The following PNPLA7 variants were observed in gnomAD, a reference collection of about 807,000 sequenced individuals.
PNPLA7 encodes patatin-like phospholipase domain-containing protein 7.
PNPLA7 carries 153 observed loss-of-function variants against 161.7 expected under a neutral mutation model. The ratio of observed to expected loss-of-function variants is 0.95; its 90% CI spans 0.83 to 1.08. PNPLA7 has a LOEUF of 1.08. PNPLA7 is among the 50% of genes least tolerant of loss of function. PNPLA7 has a pLI of 0.00. For synonymous variants in PNPLA7, 809 were observed against 782.1 expected (o/e 1.03, Z -0.57); for missense variants, 1,739 against 1,856.6 (o/e 0.94, Z 1.16).
intron 18 of PNPLA7, among the ~76,000 whole-genome samples, 166 bp from the exon 19 acceptor site, chr9:137,495,312 C>A (rs1387506396): frequency 1.3e-5 from 2 of 152,276 alleles, no homozygotes; most frequent in African/African-American, 4.8e-5. Flanking sequence ...GTCAGAACCA[C>A]TGGAACATGC....
chr9:137,491,937 AGACGGAGATGCAG>A, intron 20 of PNPLA7: 1 of 985,456 alleles, frequency 1.0e-6, no homozygotes, highest in Non-Finnish European at 1.2e-6. Context: ...GGCTGTGCTG[AGACGGAGATGCAG>A]GACACGCGGG....
chr9:137,492,498 G>C (rs1461317519), intron 20 of PNPLA7, among the ~76,000 whole-genome samples: 1 of 139,222 alleles, frequency 7.2e-6, no homozygotes, highest in African/African-American at 2.7e-5. Flanking sequence ...GCACAGGGGA[G>C]GGGCATGGGC....
rs759504557 is a variant in PNPLA7, at chr9:137,542,645, G to A, written c.663C>T (p.Asp221=). 4.4e-6 allele frequency: 7 copies of A among 1,603,078 alleles called. No individual in the cohort carries two copies. The Admixed American group carries it at 8.4e-5, about 19-fold the overall frequency. Residue 221 remains aspartate, a synonymous_variant, in exon 7 of 35, where the codon GAC becomes GAT. Transcript: ENST00000406427. ...GCCCCGCCGCCCTGCGACTCACAGT[G>A]TCCTGGATGCAGACCTCCAGCCGCC... ...QDGRLEVCIQ[D]TDGTEVVVKE...
intron 14 of PNPLA7, among the ~76,000 whole-genome samples, chr9:137,504,063 A>AAAGAAGAAGGAAGAAGAAGAAGG (rs1833762459): frequency 7.6e-6 from 1 of 131,710 alleles, no homozygotes; most frequent in Non-Finnish European, 1.7e-5. Context: ...GAAGAAGAAG[A>AAAGAAGAAGGAAGAAGAAGAAGG]AAGAAGAAGG....
rs560699281 is a variant in PNPLA7 at position 137,480,126 on chromosome 9, G to A, written c.2580+186C>T. Among the ~76,000 whole-genome samples, 70 of 152,370 alleles carry A rather than the reference G, an allele frequency of 4.6e-4. 1 individual carries two copies. Among genetic ancestry groups the A allele is most frequent in the African/African-American group, 1.6e-3 (67 of 41,584 alleles). On this transcript the variant is annotated intron_variant, in intron 23 of 34. Transcript: ENST00000406427. Reference sequence around the variant, plus strand: ...CCACGTGGGGCACCTGCCCTGCTCCGTGCTAGAACCCCTGGAGGTCAATAC... The same window carrying A: ...CCACGTGGGGCACCTGCCCTGCTCCATGCTAGAACCCCTGGAGGTCAATAC...
intron 20 of PNPLA7, among the ~76,000 whole-genome samples, chr9:137,488,037 C>T (rs1832578210): frequency 6.6e-6 from 1 of 152,262 alleles, no homozygotes; most frequent in African/African-American, 2.4e-5. Flanking sequence ...AAATAACTCC[C>T]AGATAGCAAA....
Position 137,524,823 on chromosome 9 carries a change from G to GTGGATGCCCCGTGGAATGAGTTTCCT in PNPLA7, c.748-1992_748-1967dup, listed in dbSNP as rs1428908429. Among the ~76,000 whole-genome samples, 2 of 151,692 alleles carry GTGGATGCCCCGTGGAATGAGTTTCCT rather than the reference G, an allele frequency of 1.3e-5. No individual in the cohort carries two copies. The highest frequency in any genetic ancestry group is 2.4e-5 in the African/African-American group (1 of 41,228). ...TGGATGCCCCGTGGAATGAGTTTCC[G>GTGGATGCCCCGTGGAATGAGTTTCCT]TGGATGCCCCGTGGAATGAGTTTCC... On this transcript the variant is annotated intron_variant, in intron 8 of 34. Transcript: ENST00000406427. The surrounding 1 kb of genome is among the most constrained non-coding windows in gnomAD (Gnocchi z 4.4).
intron 18 of PNPLA7, among the ~76,000 whole-genome samples, chr9:137,496,583 C>T (rs1833070542): frequency 6.6e-6 from 1 of 152,062 alleles, no homozygotes; most frequent in South Asian, 2.1e-4. Context: ...TGGTGGCGCA[C>T]ACCTTTAATC....
In PNPLA7 at chr9:137,462,349, G is replaced by T; in HGVS notation, c.3493-18C>A. ...TTCAACACCTGCTGCCGTCACAGCCGCCTGAGTCTCCTGCCCCGGCCCCTA... is the reference window on the plus strand; with the variant it reads ...TTCAACACCTGCTGCCGTCACAGCCTCCTGAGTCTCCTGCCCCGGCCCCTA... On this transcript the variant is annotated intron_variant, in intron 30 of 34. Transcript: ENST00000406427. 6.3e-7 allele frequency: 1 copy of T among 1,582,798 alleles called. No individual in the cohort carries two copies. Among genetic ancestry groups the T allele is most frequent in the Non-Finnish European group, 8.6e-7 (1 of 1,162,732 alleles).
chr9:137,522,797 G>A lies in PNPLA7; in HGVS notation c.808C>T (p.Arg270Trp), dbSNP rs144251651. 1.0e-4 allele frequency: 165 copies of A among 1,613,756 alleles called. No individual in the cohort carries two copies. The highest frequency in any genetic ancestry group is 1.6e-4 in the African/African-American group (12 of 74,930). Residue 270 changes from arginine (R) to tryptophan (W), a missense_variant, in exon 9 of 35, where the codon CGG becomes TGG. By Grantham distance (101) the Arg-to-Trp change is moderately radical. This residue lies in a region of PNPLA7 where 152 missense variants were observed against 193.5 expected (regional missense o/e 0.79). Transcript: ENST00000406427. ...CCATGAAAAGCCGCAGCTGGAAGCC[G>A]GAGGATGGTGGACGGGATGGCCGCG... ...VRAAIPSTIL[R>W]LPAAAFHGVF... is the part of the protein sequence containing the mutation.
intron 19 of PNPLA7, among the ~76,000 whole-genome samples, chr9:137,493,341 G>A (rs1306516939): frequency 2.0e-5 from 3 of 152,210 alleles, no homozygotes; most frequent in Non-Finnish European, 4.4e-5. Context: ...CAAGGGGTAT[G>A]TCCTCTGTGA....
rs117561382 is a variant in PNPLA7, at chr9:137,479,897, C to T, written c.2580+415G>A. ...GAGGATGCAGAGGCAGAGGGTAAGG[C>T]ATTCACAAGAGGAAAACTAAGCAGC... On this transcript the variant is annotated intron_variant, in intron 23 of 34. Coordinates refer to ENST00000406427, the MANE Select transcript of PNPLA7 (RefSeq NM_001098537.3). The T allele has an allele frequency of 3.0e-5, 30 of 985,290 alleles. No individual in the cohort carries two copies. The East Asian group carries it at 2.6e-3, about 86-fold the overall frequency. 61.0% of individuals were successfully genotyped at this position (985,290 alleles called of 1,614,324 possible).
intron 25 of PNPLA7, among the ~76,000 whole-genome samples, chr9:137,470,637 A>G (rs1831663948): frequency 1.3e-5 from 2 of 152,230 alleles, no homozygotes; most frequent in Non-Finnish European, 2.9e-5. Context: ...TTATGAAGCC[A>G]ACAAACAAAC....
rs750345586 is a variant in PNPLA7, at chr9:137,479,214, C to G, written c.2605G>C (p.Ala869Pro). 1 of 1,550,032 alleles carries G rather than the reference C, an allele frequency of 6.5e-7. No individual in the cohort carries two copies. Among genetic ancestry groups the G allele is most frequent in the Non-Finnish European group, 8.7e-7 (1 of 1,147,138 alleles). ...GELERMLEST[A>P]VRAQKQLILL... Reference sequence around the variant, plus strand: ...ATCAGCTGCTTCTGGGCACGCACAGCTGTGCTCTCCAGCATCCGCTCCAGC... The same window carrying G: ...ATCAGCTGCTTCTGGGCACGCACAGGTGTGCTCTCCAGCATCCGCTCCAGC... The change falls in exon 24 of 35, where the codon GCT becomes CCT. Residue 869 changes from alanine (A) to proline (P), a missense_variant. Physicochemically the swap from Ala to Pro is conservative, Grantham distance 27. Around this residue, in one of 6 missense-constraint regions of PNPLA7, gnomAD observed 703 missense variants for 694.6 expected, o/e 1.01. Transcript: ENST00000406427.
chr9:137,525,616 T>G (rs1410007918), intron 8 of PNPLA7, among the ~76,000 whole-genome samples: 1 of 152,044 alleles, frequency 6.6e-6, no homozygotes, highest in Admixed American at 6.5e-5. Flanking sequence ...ATACTTTCAC[T>G]AATTCTGCTA....
At chr9:137,546,174 G>A (rs1030766857) in intron 4 of PNPLA7, among the ~76,000 whole-genome samples, 5 of 152,036 alleles carry the variant, frequency 3.3e-5, no homozygotes, top group Non-Finnish European at 7.4e-5. Context: ...AGAAATAATG[G>A]CATAAGCTAT....
intron 20 of PNPLA7, chr9:137,491,437 G>A (rs1339060142): frequency 3.1e-6 from 3 of 967,816 alleles, no homozygotes; most frequent in East Asian, 1.1e-4. Flanking sequence ...TGATCCAACC[G>A]GACACCTTCT....
intron 33 of PNPLA7, 79 bp downstream of exon 33, chr9:137,461,457 G>A: frequency 7.0e-7 from 1 of 1,431,414 alleles, no homozygotes; most frequent in Non-Finnish European, 9.5e-7. Context: ...GTGGGCCTCT[G>A]GGGTGGGGGG....
Position 137,546,837 on chromosome 9 carries a change from A to G in PNPLA7, c.266T>C (p.Met89Thr). The stretch of plus-strand genomic sequence containing the variant: ...GCCCCGAGCAACAGCTACCTTCCTC[A>G]TGATCTTCCGGCCGTAAAACATCAC... ...DKVMFYGRKI[M>T]RKVTTLPNTL... The change falls in exon 4 of 35, where the codon ATG (methionine) becomes ACG (threonine). Residue 89 changes from methionine to threonine, a missense_variant. Met to Thr is a moderately conservative substitution (Grantham distance 81). Transcript: ENST00000406427. 3 of 1,613,838 alleles carry G rather than the reference A, an allele frequency of 1.9e-6. No individual in the cohort carries two copies. The highest frequency in any genetic ancestry group is 3.3e-4 in the Middle Eastern group (2 of 6,062).
Sources: gnomAD v4.1 joint callset for allele counts (sites outside exome capture counted in the v4.1 genomes callset) on GRCh38, gnomAD v4.1.1 for gene constraint, gnomAD v4.1.1 regional missense constraint, Gnocchi (gnomAD v3.1) non-coding constraint, MANE v1.5 for transcripts, NCBI Gene and HGNC (gene_info 2026-07-23, HGNC 2026-07-21) for gene names.